Variants in ERC2 observed in about 807,000 individuals in gnomAD.
ERC2 encodes the protein ELKS/RAB6-interacting/CAST family member 2, also known as ERC protein 2.
ERC2 carries 42 observed loss-of-function variants against 114.8 expected under a neutral mutation model. The ratio of observed to expected loss-of-function variants is 0.37; its 90% CI spans 0.29 to 0.47. ERC2 has a LOEUF of 0.47. Ranked by LOEUF, ERC2 falls within the 20% of genes least tolerant of loss-of-function variation. The pLI, the probability that ERC2 is intolerant of heterozygous loss-of-function variation, is 0.99. For synonymous variants in ERC2, 454 were observed against 425.5 expected (o/e 1.07, Z -0.82); for missense variants, 939 against 1,150.7 (o/e 0.82, Z 2.66).
At chr3:55,915,287 G>A (rs966114202) in intron 13 of ERC2, among the ~76,000 whole-genome samples, 3 of 151,816 alleles carry the variant, frequency 2.0e-5, no homozygotes, top group Non-Finnish European at 2.9e-5. Context: ...AGATTATGAC[G>A]CTTATGTTGG....
intron 6 of ERC2, among the ~76,000 whole-genome samples, chr3:56,117,273 T>C (rs2079291536): frequency 6.6e-6 from 1 of 152,224 alleles, no homozygotes; most frequent in South Asian, 2.1e-4. Context: ...ATTCTAGTCA[T>C]GTTTGAAAAT....
At chr3:56,062,303 C>T (rs1337827404) in intron 7 of ERC2, among the ~76,000 whole-genome samples, 1 of 152,110 alleles carries the variant, frequency 6.6e-6, no homozygotes, top group Non-Finnish European at 1.5e-5. Context: ...GGCTTCAGGG[C>T]AAAACTGTAC....
At chr3:56,278,563 C>T (rs892265024) in intron 3 of ERC2, among the ~76,000 whole-genome samples, 2 of 152,182 alleles carry the variant, frequency 1.3e-5, no homozygotes, top group African/African-American at 4.8e-5. Flanking sequence ...TTAATGGTAT[C>T]TACTGTTTTA....
intron 4 of ERC2, among the ~76,000 whole-genome samples, chr3:56,167,588 T>G (rs2082387742): frequency 6.6e-6 from 1 of 152,148 alleles, no homozygotes; most frequent in African/African-American, 2.4e-5. Flanking sequence ...GGCAAATAGT[T>G]AAATGGGATA....
At chr3:55,642,914 T>G (rs969694851) in intron 17 of ERC2, among the ~76,000 whole-genome samples, 3 of 152,268 alleles carry the variant, frequency 2.0e-5, no homozygotes, top group Admixed American at 2.0e-4. Context: ...CAAGTGTATG[T>G]ATGCATCTAT....
At chr3:55,711,121 A>G (rs192638937) in intron 15 of ERC2, among the ~76,000 whole-genome samples, 1 of 152,334 alleles carries the variant, frequency 6.6e-6, no homozygotes, top group African/African-American at 2.4e-5. Flanking sequence ...CAGTCTAAAC[A>G]GCATCAAACA....
At chr3:55,970,785 T>C (rs939926357) in intron 12 of ERC2, among the ~76,000 whole-genome samples, 2 of 152,160 alleles carry the variant, frequency 1.3e-5, no homozygotes, top group Non-Finnish European at 2.9e-5. Context: ...ATTTGGCAGT[T>C]CCTCAACAAG....
intron 3 of ERC2, among the ~76,000 whole-genome samples, chr3:56,211,546 T>C (rs1303300707): frequency 6.6e-6 from 1 of 151,758 alleles, no homozygotes; most frequent in Non-Finnish European, 1.5e-5. Flanking sequence ...ACAAATTCAA[T>C]GCAATTCCCA....
chr3:56,334,857 T>C (rs879670590), intron 2 of ERC2, among the ~76,000 whole-genome samples: 14 of 152,196 alleles, frequency 9.2e-5, no homozygotes, highest in Admixed American at 1.3e-4. Flanking sequence ...CAGGCTGGAG[T>C]GCAGTGGCGC....
intron 6 of ERC2, among the ~76,000 whole-genome samples, chr3:56,126,677 C>T (rs1341785210): frequency 6.6e-6 from 1 of 151,626 alleles, no homozygotes; most frequent in Non-Finnish European, 1.5e-5. Flanking sequence ...ATTGCTTGAG[C>T]CCAGGAGTTC....
At chr3:56,095,084 T>G (rs190107573) in intron 6 of ERC2, among the ~76,000 whole-genome samples, 259 of 152,148 alleles carry the variant, frequency 1.7e-3, no homozygotes, top group Non-Finnish European at 3.0e-3. Flanking sequence ...AAGACCTCAT[T>G]TATACTAAAT....
intron 1 of ERC2, among the ~76,000 whole-genome samples, chr3:56,440,339 C>T (rs112583683): frequency 0.012 from 1,822 of 152,102 alleles, 20 homozygotes; most frequent in Non-Finnish European, 0.021. Flanking sequence ...GTCAGGAGAT[C>T]GAGACCATCC....
At chr3:55,793,908 C>T (rs980906858) in intron 14 of ERC2, among the ~76,000 whole-genome samples, 1 of 152,138 alleles carries the variant, frequency 6.6e-6, no homozygotes, top group Non-Finnish European at 1.5e-5. Flanking sequence ...CAAGTAAAAT[C>T]CCTGTGTAAT....
chr3:55,663,456 C>T (rs898335438), intron 17 of ERC2, among the ~76,000 whole-genome samples: 2 of 152,194 alleles, frequency 1.3e-5, no homozygotes, highest in South Asian at 2.1e-4. Flanking sequence ...ACTCTGGTTG[C>T]CCAGTATCCT....
At chr3:55,871,938 T>C (rs893307267) in intron 14 of ERC2, among the ~76,000 whole-genome samples, 1 of 152,314 alleles carries the variant, frequency 6.6e-6, no homozygotes, top group South Asian at 2.1e-4. Flanking sequence ...TGTCAAGATG[T>C]TTATCTGAAA....
intron 17 of ERC2, among the ~76,000 whole-genome samples, chr3:55,575,310 A>C (rs559258898): frequency 6.6e-6 from 1 of 152,100 alleles, no homozygotes; most frequent in South Asian, 2.1e-4. Flanking sequence ...AAGCCACCAC[A>C]CTCAGCCAGA....
intron 13 of ERC2, among the ~76,000 whole-genome samples, chr3:55,927,381 T>A (rs1406506299): frequency 6.6e-6 from 1 of 152,158 alleles, no homozygotes; most frequent in African/African-American, 2.4e-5. Flanking sequence ...GAATGATCCA[T>A]CCCACAAAGT....
chr3:55,565,549 C>T (rs1178013881), intron 17 of ERC2, among the ~76,000 whole-genome samples: 1 of 152,008 alleles, frequency 6.6e-6, no homozygotes, highest in Non-Finnish European at 1.5e-5. Flanking sequence ...GTACTCCTTC[C>T]CAGCCTGCTG....
At chr3:56,413,588 C>A (rs193188282) in intron 2 of ERC2, among the ~76,000 whole-genome samples, 51 of 152,290 alleles carry the variant, frequency 3.3e-4, no homozygotes, top group African/African-American at 1.2e-3. Flanking sequence ...TCCCCTTGGT[C>A]AGACACTGGG....
Sources: gnomAD v4.1 joint callset for allele counts (sites outside exome capture counted in the v4.1 genomes callset) on GRCh38, gnomAD v4.1.1 for gene constraint, MANE v1.5 for transcripts, NCBI Gene and HGNC (gene_info 2026-07-23, HGNC 2026-07-21) for gene names.